Variants in BRF1 observed in about 807,000 individuals in gnomAD.
BRF1 encodes BRF1 general transcription factor IIIB subunit.
In BRF1, 59 loss-of-function variants were observed where a neutral mutation model predicts 81.7. The ratio of observed to expected loss-of-function variants is 0.72; its 90% CI spans 0.59 to 0.90. The LOEUF is 0.90. Ranked by LOEUF, BRF1 falls within the 40% of genes least tolerant of loss-of-function variation. The probability of loss-of-function intolerance (pLI) is 0.00; values close to 1 mark genes in which losing one functional copy is unlikely to be tolerated. For missense variants in BRF1, 1,050 were observed against 936.3 expected, an observed-to-expected ratio of 1.12 and a Z score of -1.58; for synonymous variants, 491 against 395.6, an observed-to-expected ratio of 1.24 and a Z score of -2.86.
chr14:105,249,927 G>T (rs587595194), intron 5 of BRF1: 1 of 1,611,386 alleles, frequency 6.2e-7, no homozygotes, highest in Non-Finnish European at 8.5e-7. Context: ...ATTGTCACTC[G>T]GGAGGCCCTC....
intron 2 of BRF1, among the ~76,000 whole-genome samples, chr14:105,273,642 T>G (rs1209768126): frequency 6.6e-6 from 1 of 152,188 alleles, no homozygotes; most frequent in African/African-American, 2.4e-5. Context: ...CTGTGCTGTA[T>G]GGAATCAAGG....
At position 105,226,767 on chromosome 14, in the gene BRF1, T is replaced by C; in HGVS notation, c.789-7A>G. The C allele has an allele frequency of 1.2e-6, 2 of 1,613,450 alleles. No individual in the cohort carries two copies. The highest frequency in any genetic ancestry group is 1.7e-6 in the Non-Finnish European group (2 of 1,179,976). ...GTCTTCAAATTCCGTGAGCCTAAAA[T>C]GGAGCCAGACATGGGAAATGGAGCT... On this transcript the variant is annotated splice_region_variant and splice_polypyrimidine_tract_variant and intron_variant, in intron 7 of 17. Coordinates refer to ENST00000547530, the MANE Select transcript of BRF1 (RefSeq NM_001519.4).
At chr14:105,248,316 A>G in intron 5 of BRF1, 1 of 985,348 alleles carries the variant, frequency 1.0e-6, no homozygotes, top group Non-Finnish European at 1.2e-6. Context: ...TTCCTAACCA[A>G]AAGATCGCTA....
At chr14:105,314,022 A>G (rs1422678722) in intron 1 of BRF1, among the ~76,000 whole-genome samples, 1 of 152,264 alleles carries the variant, frequency 6.6e-6, no homozygotes, top group Non-Finnish European at 1.5e-5. Flanking sequence ...GCGGCGCTGA[A>G]TAAGGATGCT....
chr14:105,220,357 G>A (rs587637367), intron 11 of BRF1, among the ~76,000 whole-genome samples: 11 of 152,350 alleles, frequency 7.2e-5, no homozygotes, highest in African/African-American at 2.6e-4. Flanking sequence ...AACTGAAGCT[G>A]CAAAGGAAAA....
At chr14:105,224,674 A>C (rs906662814) in intron 10 of BRF1, among the ~76,000 whole-genome samples, 1 of 152,128 alleles carries the variant, frequency 6.6e-6, no homozygotes, top group African/African-American at 2.4e-5. Context: ...CAGCCTCCCG[A>C]GGAGCTGGGA....
At chr14:105,229,405 G>C (rs1271440576) in intron 6 of BRF1, among the ~76,000 whole-genome samples, 3 of 152,230 alleles carry the variant, frequency 2.0e-5, no homozygotes, top group East Asian at 1.9e-4. Flanking sequence ...GAATCCTGCA[G>C]CGCAGGGATG....
At chr14:105,273,105 T>A (rs2056729345) in intron 2 of BRF1, among the ~76,000 whole-genome samples, 1 of 152,236 alleles carries the variant, frequency 6.6e-6, no homozygotes, top group Admixed American at 6.5e-5. Context: ...TGAGATCCTG[T>A]TCTACCTGTT....
Position 105,228,741 on chromosome 14 carries a change from G to A in BRF1, c.788+79C>T, listed in dbSNP as rs1021906102. ...GGACGGCAGGGTCCCGGGAGGTGGC[G>A]CCTGCTCTGGCAAGCAGGCCTGAGC... On this transcript the variant is annotated intron_variant, in intron 7 of 17. Transcript: ENST00000547530. 8 of 1,515,342 alleles carry A rather than the reference G, an allele frequency of 5.3e-6. No individual in the cohort carries two copies. The highest frequency in any genetic ancestry group is 2.3e-5 in the South Asian group (2 of 88,370). 93.9% of individuals were successfully genotyped at this position (1,515,342 alleles called of 1,614,324 possible). A position where few individuals can be genotyped will look rare whatever the true frequency, so the allele number is the denominator to read the frequency against.
chr14:105,241,218 G>T, intron 6 of BRF1, 47 bp downstream of exon 6: 1 of 1,599,502 alleles, frequency 6.3e-7, no homozygotes, highest in Non-Finnish European at 8.5e-7. Flanking sequence ...AAAGTGTGAG[G>T]CCAGGACCCA....
rs1390823410 is a variant in BRF1, at chr14:105,271,358, A to G, written c.439+1363T>C. Among the ~76,000 whole-genome samples the G allele has an allele frequency of 6.6e-6, 1 of 152,254 alleles. No individual in the cohort carries two copies. ...AGGAGCTGAAGCCCCGCAGCTGCAC[A>G]GCAAGGGCCAGGAGCCAGAGGGCCA... On this transcript the variant is annotated intron_variant, in intron 3 of 17. Transcript: ENST00000547530. This position sits in a 1 kb window ranked among gnomAD's most constrained non-coding sequence, Gnocchi z 5.5.
chr14:105,260,423 G>T (rs1297002642), intron 3 of BRF1, among the ~76,000 whole-genome samples: 1 of 151,934 alleles, frequency 6.6e-6, no homozygotes, highest in African/African-American at 2.4e-5. Flanking sequence ...CCAGGCTGGA[G>T]TGCAATGGTA....
chr14:105,284,914 G>C lies in BRF1; in HGVS notation c.265+1382C>G, dbSNP rs1043721518. 3.3e-5 allele frequency among the ~76,000 whole-genome samples: 5 copies of C among 152,180 alleles called. No homozygotes were observed. Among genetic ancestry groups the C allele is most frequent in the Admixed American group, 1.3e-4 (2 of 15,276 alleles). On this transcript the variant is annotated intron_variant, in intron 2 of 17. Transcript: ENST00000547530. The surrounding 1 kb of genome is among the most constrained non-coding windows in gnomAD (Gnocchi z 4.0). Reference sequence around the variant, plus strand: ...CATAAAAAATGAGTTCAGCCAGGCTGCAAGATACAAGATCAATACATATCA... The same window carrying C: ...CATAAAAAATGAGTTCAGCCAGGCTCCAAGATACAAGATCAATACATATCA...
upstream of BRF1, among the ~76,000 whole-genome samples, chr14:105,302,572 C>A (rs886735351): frequency 6.7e-6 from 1 of 149,550 alleles, no homozygotes. Flanking sequence ...CAATGTGTTC[C>A]CTTTTTCTAG....
Position 105,221,925 on chromosome 14 carries a change from A to G in BRF1, c.1049-11T>C, listed in dbSNP as rs1251206196. On this transcript the variant is annotated splice_polypyrimidine_tract_variant and intron_variant, in intron 10 of 17. Coordinates refer to ENST00000547530, the MANE Select transcript of BRF1 (RefSeq NM_001519.4). ...TGTCCTCGGTGGAGCCTAGGTGTACACAATCCACCTGTTAACCAGGCAGAG... is the reference window on the plus strand; with the variant it reads ...TGTCCTCGGTGGAGCCTAGGTGTACGCAATCCACCTGTTAACCAGGCAGAG... 1.3e-6 allele frequency: 2 copies of G among 1,560,066 alleles called. No homozygotes were observed. The highest frequency in any genetic ancestry group is 1.2e-5 in the South Asian group (1 of 82,776).
At chr14:105,218,205 G>A (rs1001215399) in intron 14 of BRF1, among the ~76,000 whole-genome samples, 1 of 152,108 alleles carries the variant, frequency 6.6e-6, no homozygotes, top group African/African-American at 2.4e-5. Flanking sequence ...ATCCACCCCA[G>A]CACCGCTGCC....
At chr14:105,296,881 C>G (rs1194072430) in intron 1 of BRF1, among the ~76,000 whole-genome samples, 1 of 152,070 alleles carries the variant, frequency 6.6e-6, no homozygotes, top group Non-Finnish European at 1.5e-5. Flanking sequence ...GAGGGCCAGG[C>G]ACGGCAGCTC....
In BRF1 at chr14:105,284,649, A is replaced by G. The variant is rs760847111; in HGVS notation, c.265+1647T>C. On this transcript the variant is annotated intron_variant, in intron 2 of 17. Transcript: ENST00000547530. The surrounding 1 kb of genome is among the most constrained non-coding windows in gnomAD (Gnocchi z 4.0). ...GAGAGTGTACTCAATGAAACAGTGAAGCCAAAGAGATCCTAGCACAAAGTA... is the reference window on the plus strand; with the variant it reads ...GAGAGTGTACTCAATGAAACAGTGAGGCCAAAGAGATCCTAGCACAAAGTA... 7.9e-5 allele frequency among the ~76,000 whole-genome samples: 12 copies of G among 152,242 alleles called. No individual in the cohort carries two copies. The East Asian group carries it at 1.7e-3, about 22-fold the overall frequency.
Position 105,211,266 on chromosome 14 carries a change from C to A in BRF1, c.1852G>T (p.Gly618Ter). 1 of 1,605,784 alleles carries A rather than the reference C, an allele frequency of 6.2e-7. No individual in the cohort carries two copies. Among genetic ancestry groups the A allele is most frequent in the Non-Finnish European group, 8.5e-7 (1 of 1,176,248 alleles). ...GCCTGGGGCCTGGCAGGCTCAGCTC[C>A]GAGGGTGGGAGAGCTTGGGAGCAAA... ...EALLPSSPTL[G>*]AEPARPQAVL... Residue 618 changes from glycine (G) to a stop codon, truncating the protein, a stop_gained, in exon 17 of 18, where the codon GGA (glycine) becomes TGA (stop). Coordinates refer to ENST00000547530, the MANE Select transcript of BRF1 (RefSeq NM_001519.4). LOFTEE classifies it high-confidence loss of function.
Sources: allele counts gnomAD v4.1 joint callset (sites outside exome capture counted in the v4.1 genomes callset), GRCh38; gene constraint gnomAD v4.1.1; non-coding constraint Gnocchi (gnomAD v3.1); transcripts MANE v1.5; gene names NCBI Gene and HGNC (gene_info 2026-07-23, HGNC 2026-07-21).